Variants in ARHGAP6 observed in about 807,000 individuals in gnomAD.
The protein encoded by ARHGAP6 is Rho GTPase activating protein 6.
Under a neutral mutation model 55.7 loss-of-function variants are expected in ARHGAP6, and 16 were observed. That is an observed-to-expected ratio of 0.29 (90% CI 0.19 to 0.44). The LOEUF (loss-of-function observed/expected upper bound fraction) is 0.44. Ranked by LOEUF, ARHGAP6 falls within the 20% of genes least tolerant of loss-of-function variation. ARHGAP6 has a pLI of 1.00. For missense variants in ARHGAP6, 698 were observed against 808.9 expected (o/e 0.86, Z 1.66); for synonymous variants, 382 against 360.9 (o/e 1.06, Z -0.66).
At chrX:11,479,214 C>T (rs1421679905) in intron 1 of ARHGAP6, among the ~76,000 whole-genome samples, 1 of 111,982 alleles carries the variant, frequency 8.9e-6, no homozygotes, top group Non-Finnish European at 1.9e-5. Context: ...TCTCACAGGC[C>T]ATGAGACAAA....
intron 1 of ARHGAP6, among the ~76,000 whole-genome samples, chrX:11,328,218 C>T (rs747092501): frequency 4.5e-5 from 5 of 112,011 alleles, no homozygotes; most frequent in Non-Finnish European, 9.4e-5. Flanking sequence ...CATACATCTC[C>T]AAACATCTGA....
chrX:11,476,785 C>A (rs1034675710), intron 1 of ARHGAP6, among the ~76,000 whole-genome samples: 11 of 111,241 alleles, frequency 9.9e-5, no homozygotes, highest in Middle Eastern at 4.7e-3. Flanking sequence ...AAAAATTAAA[C>A]TGTCCCTCTA....
chrX:11,218,888 G>T lies in ARHGAP6; in HGVS notation c.749-21892C>A, dbSNP rs767298649. On this transcript the variant is annotated intron_variant, in intron 2 of 12. Coordinates refer to ENST00000337414, the MANE Select transcript of ARHGAP6 (RefSeq NM_013427.3). ...AATAGTCTGGCTAGCAGTCTATTTT[G>T]TTTTTTTTTTTATTATACTTTAAGT... 3.9e-4 allele frequency among the ~76,000 whole-genome samples: 40 copies of T among 101,529 alleles called. 1 individual carries two copies. Among genetic ancestry groups the T allele is most frequent in the African/African-American group, 6.4e-4 (18 of 28,139 alleles). The allele number at this position is 101,529 out of a possible 115,157, so 88.2% of individuals were successfully genotyped here. A position where few individuals can be genotyped will look rare whatever the true frequency, so the allele number is the denominator to read the frequency against.
At chrX:11,384,408 G>A (rs1254253510) in intron 1 of ARHGAP6, among the ~76,000 whole-genome samples, 1 of 112,156 alleles carries the variant, frequency 8.9e-6, no homozygotes, top group Admixed American at 9.5e-5. Context: ...AAGCATGACA[G>A]TTTAATCAAC....
chrX:11,556,594 C>T (rs1450672184), intron 1 of ARHGAP6, among the ~76,000 whole-genome samples: 1 of 112,169 alleles, frequency 8.9e-6, no homozygotes, highest in Non-Finnish European at 1.9e-5. Flanking sequence ...TTTGGATCTT[C>T]CATGAAGGTG....
chrX:11,440,918 C>T (rs772553043), intron 1 of ARHGAP6, among the ~76,000 whole-genome samples: 9 of 111,870 alleles, frequency 8.0e-5, no homozygotes, highest in African/African-American at 1.3e-4. Flanking sequence ...AATCATTCAT[C>T]GGGCCCAGAT....
Position 11,169,533 on chromosome X carries a change from A to G in ARHGAP6, c.1781T>C (p.Met594Thr). The G allele has an allele frequency of 1.7e-6, 2 of 1,199,643 alleles. No homozygotes were observed. The highest frequency in any genetic ancestry group is 1.8e-5 in the South Asian group (1 of 54,455). The change falls in exon 9 of 13, where the codon ATG (methionine) becomes ACG (threonine). Residue 594 changes from methionine to threonine, a missense_variant. By Grantham distance (81) the Met-to-Thr change is moderately conservative (BLOSUM62 -1). Coordinates refer to ENST00000337414, the MANE Select transcript of ARHGAP6 (RefSeq NM_013427.3). The part of the protein sequence containing the change: ...STAIIAVVQK[M>T]IENYEALFMV... ...GAACAGGGCTTCATAATTTTCAATC[A>G]TCTTTTGCACAACAGCGATGATGGC...
At chrX:11,150,775 C>T (rs916293213) in intron 10 of ARHGAP6, among the ~76,000 whole-genome samples, 39 of 111,781 alleles carry the variant, frequency 3.5e-4, no homozygotes, top group African/African-American at 1.2e-3. Flanking sequence ...GGTGACAGAG[C>T]GAGACCCTGT....
chrX:11,195,292 C>A lies in ARHGAP6; in HGVS notation c.820+1633G>T, dbSNP rs187735758. 1.1e-4 allele frequency among the ~76,000 whole-genome samples: 12 copies of A among 108,345 alleles called. No homozygotes were observed. The East Asian group carries it at 3.5e-3, about 32-fold the overall frequency. 94.1% of individuals were successfully genotyped at this position (108,345 alleles called of 115,157 possible). A position where few individuals can be genotyped will look rare whatever the true frequency, so the allele number is the denominator to read the frequency against. ...GCTTGAACCTGGGAGGCAGAGGTTG[C>A]AGTGAGCCGAGATTGCACCACTGCA... On this transcript the variant is annotated intron_variant, in intron 3 of 12. Coordinates refer to ENST00000337414, the MANE Select transcript of ARHGAP6 (RefSeq NM_013427.3).
At chrX:11,426,811 C>T (rs954965918) in intron 1 of ARHGAP6, among the ~76,000 whole-genome samples, 1 of 109,142 alleles carries the variant, frequency 9.2e-6, no homozygotes, top group Admixed American at 9.9e-5. Flanking sequence ...ATCTTGACTC[C>T]TTCTTCAAAG....
At chrX:11,354,297 C>CTCTT (rs2048901160) in intron 1 of ARHGAP6, among the ~76,000 whole-genome samples, 1 of 28,772 alleles carries the variant, frequency 3.5e-5, no homozygotes, top group African/African-American at 1.0e-4. Flanking sequence ...CTCTCTCTTT[C>CTCTT]TCTCTCTCTC....
intron 1 of ARHGAP6, among the ~76,000 whole-genome samples, chrX:11,511,674 G>A (rs1244371356): frequency 8.9e-6 from 1 of 111,733 alleles, no homozygotes; most frequent in African/African-American, 3.3e-5. Context: ...GTCCATTGCA[G>A]AACATCCTAC....
intron 1 of ARHGAP6, among the ~76,000 whole-genome samples, chrX:11,482,463 G>A (rs1266731035): frequency 9.0e-6 from 1 of 111,551 alleles, no homozygotes; most frequent in African/African-American, 3.3e-5. Context: ...GCAGAGGGCT[G>A]ATGAGTTGGT....
chrX:11,488,197 G>C (rs1483673071), intron 1 of ARHGAP6, among the ~76,000 whole-genome samples: 1 of 111,771 alleles, frequency 8.9e-6, no homozygotes, highest in Non-Finnish European at 1.9e-5. Context: ...ATACAAAGGA[G>C]ATTACTTAGA....
At chrX:11,403,378 T>G (rs778614684) in intron 1 of ARHGAP6, among the ~76,000 whole-genome samples, 1 of 111,993 alleles carries the variant, frequency 8.9e-6, no homozygotes, top group African/African-American at 3.2e-5. Context: ...GTACTGGAAA[T>G]GTGGCTAGTC....
chrX:11,423,674 T>C (rs1028335696), intron 1 of ARHGAP6, among the ~76,000 whole-genome samples: 3 of 112,863 alleles, frequency 2.7e-5, no homozygotes, highest in African/African-American at 9.7e-5. Flanking sequence ...GCACCTACTG[T>C]GCTTCCAGCA....
At chrX:11,175,709 G>A (rs1485249518) in intron 8 of ARHGAP6, among the ~76,000 whole-genome samples, 1 of 111,337 alleles carries the variant, frequency 9.0e-6, no homozygotes, top group Non-Finnish European at 1.9e-5. Context: ...TGGTGGGAGA[G>A]GAGATGTACT....
intron 9 of ARHGAP6, among the ~76,000 whole-genome samples, chrX:11,161,532 A>G (rs908761811): frequency 9.0e-6 from 1 of 111,354 alleles, no homozygotes; most frequent in African/African-American, 3.3e-5. Flanking sequence ...CTGTTCCCAC[A>G]TCTGAAAACA....
At position 11,586,021 on chromosome X, in the gene ARHGAP6, C is replaced by T. The variant is rs927551354; in HGVS notation, c.588+78220G>A. Among the ~76,000 whole-genome samples the T allele has an allele frequency of 6.3e-5, 7 of 111,257 alleles. No homozygotes were observed. In the East Asian group the frequency reaches 1.1e-3, roughly 18 times the overall value. On this transcript the variant is annotated intron_variant, in intron 1 of 12. Coordinates refer to ENST00000337414, the MANE Select transcript of ARHGAP6 (RefSeq NM_013427.3). ...GAGGTCGTGGTAAACCATGAGAAAC[C>T]GCCCCCATGATCCAATCACCTCCCA...
Sources: allele counts gnomAD v4.1 joint callset (sites outside exome capture counted in the v4.1 genomes callset), GRCh38; gene constraint gnomAD v4.1.1; transcripts MANE v1.5; gene names NCBI Gene and HGNC (gene_info 2026-07-23, HGNC 2026-07-21).